Variants in RFX2 observed in about 807,000 individuals in gnomAD.
RFX2 encodes regulatory factor X2.
In RFX2, 20 loss-of-function variants were observed where a neutral mutation model predicts 87.8. The observed-to-expected ratio is 0.23, with a 90% CI of 0.16 to 0.33. RFX2 has a LOEUF of 0.33. RFX2 is among the 10% of genes least tolerant of loss of function. The probability of loss-of-function intolerance (pLI) is 1.00; values close to 1 mark genes in which losing one functional copy is unlikely to be tolerated. For synonymous variants in RFX2, 397 were observed against 431.3 expected (o/e 0.92, Z 0.98); for missense variants, 767 against 1,012.3 (o/e 0.76, Z 3.29).
At chr19:5,996,128 T>C (rs2086403070) in intron 16 of RFX2, among the ~76,000 whole-genome samples, 2 of 151,868 alleles carry the variant, frequency 1.3e-5, no homozygotes, top group Non-Finnish European at 2.9e-5. Flanking sequence ...GGCTTCTGGG[T>C]AGTAAGAGTG....
At position 6,022,074 on chromosome 19, in the gene RFX2, C is replaced by A. The variant is rs939360810; in HGVS notation, c.597+4089G>T. On this transcript the variant is annotated intron_variant, in intron 6 of 17. Transcript: ENST00000303657. The surrounding 1 kb of genome is among the most constrained non-coding windows in gnomAD (Gnocchi z 6.2). ...GGACGCAGTGGGGTTGGGGGCCGAG[C>A]GCCTGGAAGATTGGCTGCCCCTGCC... Among the ~76,000 whole-genome samples the A allele has an allele frequency of 1.3e-5, 2 of 152,154 alleles. No homozygotes were observed. The highest frequency in any genetic ancestry group is 4.2e-4 in the South Asian group (2 of 4,814).
intron 1 of RFX2, among the ~76,000 whole-genome samples, chr19:6,057,450 T>G (rs1404829872): frequency 6.6e-6 from 1 of 152,218 alleles, no homozygotes; most frequent in Non-Finnish European, 1.5e-5. Flanking sequence ...CCTTAAGCAA[T>G]CTCTCTTCTA....
chr19:6,100,763 T>A (rs959481010), intron 1 of RFX2, among the ~76,000 whole-genome samples: 1 of 151,970 alleles, frequency 6.6e-6, no homozygotes, highest in Admixed American at 6.5e-5. Flanking sequence ...TTCTTTTGCA[T>A]GCTGAGTCTC....
intron 1 of RFX2, among the ~76,000 whole-genome samples, chr19:6,082,703 G>C (rs1483854037): frequency 6.6e-6 from 1 of 152,118 alleles, no homozygotes; most frequent in Non-Finnish European, 1.5e-5. Context: ...AAAGTGTTGG[G>C]ATTACAGGTG....
chr19:6,008,010 C>T, intron 10 of RFX2, 96 bp downstream of exon 10: 1 of 962,692 alleles, frequency 1.0e-6, no homozygotes, highest in African/African-American at 1.6e-5. Context: ...GCTCGGGGCT[C>T]CAGCTCCTCA....
In RFX2 at chr19:6,022,193, G is replaced by A. The variant is rs900131740; in HGVS notation, c.597+3970C>T. ...ACGCACTGAGCTAAGACACTAATCC[G>A]AGGCAGGCAGGAATTCCAAGGGAAA... On this transcript the variant is annotated intron_variant, in intron 6 of 17. Transcript: ENST00000303657. The surrounding 1 kb of genome is among the most constrained non-coding windows in gnomAD (Gnocchi z 6.2). Among the ~76,000 whole-genome samples, 1 of 152,148 alleles carries A rather than the reference G, an allele frequency of 6.6e-6. No homozygotes were observed. The highest frequency in any genetic ancestry group is 2.4e-5 in the African/African-American group (1 of 41,404).
At position 6,039,894 on chromosome 19, in the gene RFX2, G is replaced by T; in HGVS notation, c.522+86C>A. 7.0e-7 allele frequency: 1 copy of T among 1,422,444 alleles called. No individual in the cohort carries two copies. Among genetic ancestry groups the T allele is most frequent in the Non-Finnish European group, 9.3e-7 (1 of 1,071,000 alleles). The allele number at this position is 1,422,444 out of a possible 1,614,324, so 88.1% of individuals were successfully genotyped here. The stretch of plus-strand genomic sequence containing the variant: ...CAGACGACAGCCCCTCCGGGCCTCC[G>T]GCTGCCTCTTACTCACCATCCCTGC... On this transcript the variant is annotated intron_variant, in intron 5 of 17. Transcript: ENST00000303657. The surrounding 1 kb of genome is among the most constrained non-coding windows in gnomAD (Gnocchi z 5.2).
At chr19:6,070,442 C>T (rs142621387) in intron 1 of RFX2, among the ~76,000 whole-genome samples, 132 of 152,150 alleles carry the variant, frequency 8.7e-4, no homozygotes, top group Admixed American at 1.7e-3. Context: ...GTTTACTCCT[C>T]GCCAGCCTCA....
intron 12 of RFX2, among the ~76,000 whole-genome samples, chr19:6,006,697 G>A (rs1043014912): frequency 2.0e-5 from 3 of 151,696 alleles, no homozygotes; most frequent in South Asian, 2.1e-4. Context: ...TGATCTGCCC[G>A]CCTCAGCCTC....
At chr19:6,028,287 A>G (rs896520856) in intron 5 of RFX2, among the ~76,000 whole-genome samples, 1 of 152,032 alleles carries the variant, frequency 6.6e-6, no homozygotes, top group African/African-American at 2.4e-5. Context: ...CTTACAGAAG[A>G]CAACTCTACA....
At chr19:6,009,463 C>T (rs956087200) in intron 9 of RFX2, among the ~76,000 whole-genome samples, 3 of 152,222 alleles carry the variant, frequency 2.0e-5, no homozygotes, top group African/African-American at 7.2e-5. Flanking sequence ...GAGGCCAAGA[C>T]TGCCTCATGT....
chr19:6,102,286 G>C (rs550230629), intron 1 of RFX2, among the ~76,000 whole-genome samples: 2 of 152,308 alleles, frequency 1.3e-5, no homozygotes, highest in East Asian at 1.9e-4. Context: ...ATCTAGCAAA[G>C]CCTATTTGAT....
chr19:6,071,039 C>T (rs2087599154), intron 1 of RFX2, among the ~76,000 whole-genome samples: 1 of 152,206 alleles, frequency 6.6e-6, no homozygotes, highest in Admixed American at 6.5e-5. Context: ...CTTATGGTTA[C>T]TCCATACCTC....
chr19:6,047,424 C>T lies in RFX2; in HGVS notation c.73G>A (p.Val25Met). 1 of 1,597,850 alleles carries T rather than the reference C, an allele frequency of 6.3e-7. No individual in the cohort carries two copies. The highest frequency in any genetic ancestry group is 8.5e-7 in the Non-Finnish European group (1 of 1,172,268). ...ALRPSAAAPP[V>M]PASPQRVLVQ... ...CGCGTTACCTGCGGGGAGGCTGGCACAGGCGGGGCTGCCGCCGAGGGACGC... is the reference window on the plus strand; with the variant it reads ...CGCGTTACCTGCGGGGAGGCTGGCATAGGCGGGGCTGCCGCCGAGGGACGC... The change falls in exon 2 of 18, where the codon GTG becomes ATG. Residue 25 changes from valine (V) to methionine (M), a missense_variant. Val to Met is a conservative substitution (Grantham distance 21, BLOSUM62 1). Coordinates refer to ENST00000303657, the MANE Select transcript of RFX2 (RefSeq NM_000635.4). This position sits in a 1 kb window ranked among gnomAD's most constrained non-coding sequence, Gnocchi z 4.2.
intron 1 of RFX2, among the ~76,000 whole-genome samples, chr19:6,100,952 G>T (rs1445664789): frequency 2.0e-5 from 3 of 151,378 alleles, no homozygotes; most frequent in African/African-American, 7.3e-5. Context: ...TTAAAGGTCT[G>T]CAGTAAAAAT....
At chr19:5,995,669 G>A (rs754181250) in intron 16 of RFX2, 26 bp from the exon 17 acceptor site, 145 of 1,551,460 alleles carry the variant, frequency 9.3e-5, no homozygotes, top group Non-Finnish European at 1.2e-4. Flanking sequence ...GGAGTCAGGG[G>A]CGCCTGCAGA....
At chr19:6,009,842 G>A (rs1393254136) in intron 9 of RFX2, among the ~76,000 whole-genome samples, 1 of 152,170 alleles carries the variant, frequency 6.6e-6, no homozygotes, top group Non-Finnish European at 1.5e-5. Context: ...TTGGGATCAC[G>A]GGCATGAGCC....
In RFX2 at chr19:6,076,616, G is replaced by A. The variant is rs1001014655; in HGVS notation, c.-8-29112C>T. ...TTAAATGAGAGGAGTCCTACAAAGT[G>A]TGGAGTTTAATGGCCAGCCCAGCAC... is the stretch of plus-strand genomic sequence containing the variant. On this transcript the variant is annotated intron_variant, in intron 1 of 17. Coordinates refer to ENST00000303657, the MANE Select transcript of RFX2 (RefSeq NM_000635.4). Among the ~76,000 whole-genome samples the A allele has an allele frequency of 3.0e-4, 45 of 152,192 alleles. 1 individual carries two copies. The highest frequency in any genetic ancestry group is 1.1e-3 in the African/African-American group (45 of 41,452).
At chr19:6,098,873 T>G (rs1357211282) in intron 1 of RFX2, among the ~76,000 whole-genome samples, 1 of 150,426 alleles carries the variant, frequency 6.6e-6, no homozygotes, top group Admixed American at 6.6e-5. Context: ...CTGTAACTGC[T>G]TCCTCTGCCA....
Sources: gnomAD v4.1 joint callset for allele counts (sites outside exome capture counted in the v4.1 genomes callset) on GRCh38, gnomAD v4.1.1 for gene constraint, Gnocchi (gnomAD v3.1) non-coding constraint, MANE v1.5 for transcripts, NCBI Gene and HGNC (gene_info 2026-07-23, HGNC 2026-07-21) for gene names.